Variants in DNAH10 observed in about 807,000 individuals in gnomAD.
DNAH10 encodes the protein dynein axonemal heavy chain 10.
Under a neutral mutation model 506.6 loss-of-function variants are expected in DNAH10, and 348 were observed. The observed-to-expected ratio is 0.69, with a 90% CI of 0.63 to 0.75. The LOEUF is 0.75. Ranked by LOEUF, DNAH10 falls within the 30% of genes least tolerant of loss-of-function variation. DNAH10 has a pLI of 0.00. For missense variants in DNAH10, 5,179 were observed against 5,787.1 expected (o/e 0.89, Z 3.41); for synonymous variants, 2,059 against 2,198.6 (o/e 0.94, Z 1.78).
intron 35 of DNAH10, among the ~76,000 whole-genome samples, chr12:123,852,386 G>A (rs1043466949): frequency 1.3e-5 from 2 of 152,094 alleles, no homozygotes; most frequent in South Asian, 2.1e-4. Context: ...GTCACATTGC[G>A]TTTCTGCAAT....
Position 123,919,884 on chromosome 12 carries a change from C to A in DNAH10, c.11506+935C>A, listed in dbSNP as rs146118200. Among the ~76,000 whole-genome samples the A allele has an allele frequency of 6.6e-6, 1 of 152,158 alleles. No homozygotes were observed. Among genetic ancestry groups the A allele is most frequent in the Non-Finnish European group, 1.5e-5 (1 of 68,036 alleles). On this transcript the variant is annotated intron_variant, in intron 65 of 78. Transcript: ENST00000673944. This position sits in a 1 kb window ranked among gnomAD's most constrained non-coding sequence, Gnocchi z 4.9. ...CACCTGATGGGCATTTGGGTTGTTT[C>A]GCTTGTTTTGCTATTAAGGCAATGC...
intron 11 of DNAH10, among the ~76,000 whole-genome samples, chr12:123,793,447 T>C (rs930310571): frequency 1.9e-4 from 29 of 151,544 alleles, no homozygotes; most frequent in Admixed American, 1.8e-3. Context: ...CACACCGTTC[T>C]CCTGACTCAG....
Position 123,894,504 on chromosome 12 carries a change from C to T in DNAH10, c.9200-139C>T, listed in dbSNP as rs1421982152. Reference sequence around the variant, plus strand: ...AACTCCTGACCTCAAATGATCCACCCGCCTTGGCCTCCCAAAGTGCTGGGA... The same window carrying T: ...AACTCCTGACCTCAAATGATCCACCTGCCTTGGCCTCCCAAAGTGCTGGGA... On this transcript the variant is annotated intron_variant, in intron 53 of 78. Coordinates refer to ENST00000673944, the MANE Select transcript of DNAH10 (RefSeq NM_001372106.1). The T allele has an allele frequency of 5.1e-5, 34 of 666,234 alleles. 1 individual carries two copies. Among genetic ancestry groups the T allele is most frequent in the Middle Eastern group, 8.1e-4 (2 of 2,484 alleles). 41.3% of individuals were successfully genotyped at this position (666,234 alleles called of 1,614,324 possible). A position where few individuals can be genotyped will look rare whatever the true frequency, so the allele number is the denominator to read the frequency against.
chr12:123,882,749 G>A (rs996926155), intron 51 of DNAH10, among the ~76,000 whole-genome samples: 23 of 136,056 alleles, frequency 1.7e-4, no homozygotes, highest in African/African-American at 5.7e-4. Context: ...CTGAGGTCAT[G>A]CCGCAGCACT....
rs373273502 is a variant in DNAH10 at position 123,832,478 on chromosome 12, C to T, written c.4546-636C>T. ...AATATACATATAATGTACACATGTA[C>T]GTATGTATACACATATACATATGTA... On this transcript the variant is annotated intron_variant, in intron 26 of 78. Coordinates refer to ENST00000673944, the MANE Select transcript of DNAH10 (RefSeq NM_001372106.1). Among the ~76,000 whole-genome samples the T allele has an allele frequency of 4.6e-5, 7 of 151,264 alleles. No homozygotes were observed. In the South Asian group the frequency reaches 8.3e-4, roughly 18 times the overall value.
chr12:123,859,003 A>T (rs1288350316), intron 37 of DNAH10, 147 bp from the exon 38 acceptor site: 1 of 722,290 alleles, frequency 1.4e-6, no homozygotes, highest in Non-Finnish European at 2.2e-6. Flanking sequence ...GCTCATGGGG[A>T]TGGTTGCACA....
chr12:123,855,633 C>CAA (rs34517744), intron 36 of DNAH10, among the ~76,000 whole-genome samples: 7,575 of 101,654 alleles, frequency 0.075, 302 homozygotes, highest in African/African-American at 0.13. Flanking sequence ...GACCCTGTCT[C>CAA]AAAAAAAAAA....
rs779264793 is a variant in DNAH10, at chr12:123,796,745, G to C, written c.2076G>C (p.Trp692Cys). The change falls in exon 13 of 79, where the codon TGG becomes TGC. Residue 692 changes from tryptophan (W) to cysteine (C), a missense_variant. By Grantham distance (215) the Trp-to-Cys change is radical. Transcript: ENST00000673944. ...CTCCAGTAGCAGGTGCAATATACTG[G>C]GAACGATCTCTGTTCTTTCGGATTA... ...NHPPVAGAIY[W>C]ERSLFFRIKH... 6.2e-7 allele frequency: 1 copy of C among 1,613,926 alleles called. No homozygotes were observed. Among genetic ancestry groups the C allele is most frequent in the Non-Finnish European group, 8.5e-7 (1 of 1,179,986 alleles).
intron 25 of DNAH10, among the ~76,000 whole-genome samples, chr12:123,828,376 G>A (rs1382276432): frequency 1.3e-5 from 2 of 152,096 alleles, no homozygotes; most frequent in Non-Finnish European, 2.9e-5. Flanking sequence ...GGGGATTCTG[G>A]CCAAGTTAGG....
At chr12:123,810,186 G>A (rs1288592938) in intron 19 of DNAH10, among the ~76,000 whole-genome samples, 2 of 152,116 alleles carry the variant, frequency 1.3e-5, no homozygotes, top group Non-Finnish European at 2.9e-5. Context: ...AACATCTGCT[G>A]GCAGAAAACC....
intron 28 of DNAH10, 94 bp from the exon 29 acceptor site, chr12:123,838,362 C>G: frequency 1.8e-6 from 2 of 1,126,818 alleles, no homozygotes; most frequent in South Asian, 1.5e-5. Flanking sequence ...TCGGCCGTGC[C>G]TGGGCTCTGG....
Position 123,774,140 on chromosome 12 carries a change from C to T in DNAH10, c.506-9C>T. Reference sequence around the variant, plus strand: ...ACTGACCTTACATTCTACACCTGTTCTTCTTTAGAGGCAATCTCTGAAGCT... The same window carrying T: ...ACTGACCTTACATTCTACACCTGTTTTTCTTTAGAGGCAATCTCTGAAGCT... On this transcript the variant is annotated splice_polypyrimidine_tract_variant and intron_variant, in intron 4 of 78. Transcript: ENST00000673944. 6.3e-7 allele frequency: 1 copy of T among 1,587,306 alleles called. No homozygotes were observed. The highest frequency in any genetic ancestry group is 2.2e-5 in the East Asian group (1 of 44,614).
intron 76 of DNAH10, chr12:123,932,765 T>C (rs1955279013): frequency 6.6e-6 from 1 of 152,600 alleles, no homozygotes; most frequent in Non-Finnish European, 1.5e-5. Context: ...TGCATGTCTT[T>C]AATTATGGTG....
Position 123,928,561 on chromosome 12 carries a change from A to G in DNAH10, c.12280A>G (p.Ile4094Val). 1.9e-6 allele frequency: 3 copies of G among 1,607,060 alleles called. No homozygotes were observed. Among genetic ancestry groups the G allele is most frequent in the Admixed American group, 1.7e-5 (1 of 59,232 alleles). ...LTTDPTKGFP[I>V]GILQKSLKVV... Reference sequence around the variant, plus strand: ...CACGGACCCCACCAAGGGCTTCCCCATTGGGATTCTGCAGAAGTCCCTAAA... The same window carrying G: ...CACGGACCCCACCAAGGGCTTCCCCGTTGGGATTCTGCAGAAGTCCCTAAA... The change falls in exon 70 of 79, where the codon ATT becomes GTT. Residue 4094 changes from isoleucine to valine, a missense_variant. By Grantham distance (29) the Ile-to-Val change is conservative (BLOSUM62 3). This residue lies in a region of DNAH10 where 4,844 missense variants were observed against 5,430.5 expected (regional missense o/e 0.89). Transcript: ENST00000673944. The surrounding 1 kb of genome is among the most constrained non-coding windows in gnomAD (Gnocchi z 4.9).
At chr12:123,799,197 AAAT>A in intron 13 of DNAH10, 46 bp from the exon 14 acceptor site, 2 of 1,408,260 alleles carry the variant, frequency 1.4e-6, no homozygotes, top group South Asian at 1.8e-5. Context: ...GCGAGATGAA[AAAT>A]GTTATTTTCA....
chr12:123,897,761 C>T lies in DNAH10; in HGVS notation c.9281-9C>T. ...AGAAAGAAAACATTTTTTATTCCTT[C>T]CTCTTCAGGGTATAATCCAATGATC... On this transcript the variant is annotated splice_polypyrimidine_tract_variant and intron_variant, in intron 54 of 78. Transcript: ENST00000673944. 1 of 1,587,456 alleles carries T rather than the reference C, an allele frequency of 6.3e-7. No homozygotes were observed. The highest frequency in any genetic ancestry group is 8.5e-7 in the Non-Finnish European group (1 of 1,173,124).
rs1958559460 is a variant in DNAH10 at position 123,803,808 on chromosome 12, G to A, written c.2762G>A (p.Ser921Asn). 1 of 1,611,300 alleles carries A rather than the reference G, an allele frequency of 6.2e-7. No homozygotes were observed. The highest frequency in any genetic ancestry group is 8.5e-7 in the Non-Finnish European group (1 of 1,179,484). The change falls in exon 17 of 79, where the codon AGT (serine) becomes AAT (asparagine). Residue 921 changes from serine to asparagine, a missense_variant. Ser to Asn is a conservative substitution (Grantham distance 46). Coordinates refer to ENST00000673944, the MANE Select transcript of DNAH10 (RefSeq NM_001372106.1). ...CTCTTTAAATATCCAGCCGCTAAAA[G>A]TGAGGAAGAACTCCCAGGTAGATCT... ...INLFKYPAAK[S>N]EEELPGVKEF...
At chr12:123,836,874 A>G (rs957784783) in intron 28 of DNAH10, among the ~76,000 whole-genome samples, 1 of 150,054 alleles carries the variant, frequency 6.7e-6, no homozygotes, top group African/African-American at 2.5e-5. Context: ...TTTTTTTGAG[A>G]CAGAGTCTCG....
chr12:123,763,713 G>A (rs897840666), intron 1 of DNAH10, among the ~76,000 whole-genome samples: 5 of 150,822 alleles, frequency 3.3e-5, no homozygotes, highest in South Asian at 2.1e-4. Flanking sequence ...ACAGGTATGC[G>A]TCACCATGCC....
Sources: gnomAD v4.1 joint callset for allele counts (sites outside exome capture counted in the v4.1 genomes callset) on GRCh38, gnomAD v4.1.1 for gene constraint, gnomAD v4.1.1 regional missense constraint, Gnocchi (gnomAD v3.1) non-coding constraint, MANE v1.5 for transcripts, NCBI Gene and HGNC (gene_info 2026-07-23, HGNC 2026-07-21) for gene names.